BPTF: variants seen among roughly 807,000 people sequenced by gnomAD.
BPTF encodes bromodomain PHD finger transcription factor, also known as nucleosome-remodeling factor subunit BPTF.
BPTF carries 18 observed loss-of-function variants against 292.5 expected under a neutral mutation model. The observed-to-expected ratio is 0.06, with a 90% confidence interval of 0.04 to 0.09. BPTF has a LOEUF of 0.09. Ranked by LOEUF, BPTF falls within the 10% of genes least tolerant of loss-of-function variation. The probability of loss-of-function intolerance (pLI) is 1.00; values close to 1 mark genes in which losing one functional copy is unlikely to be tolerated. For missense variants in BPTF, 2,726 were observed against 3,498.7 expected (o/e 0.78, Z 5.57); for synonymous variants, 1,225 against 1,251.9 (o/e 0.98, Z 0.45).
intron 18 of BPTF, among the ~76,000 whole-genome samples, chr17:67,939,632 C>G (rs1398883107): frequency 2.6e-5 from 4 of 152,232 alleles, no homozygotes; most frequent in Admixed American, 1.3e-4. Context: ...AATCCCAGCA[C>G]TTTGGGAGGC....
At chr17:67,858,779 A>G (rs536816343) in intron 2 of BPTF, among the ~76,000 whole-genome samples, 78 of 152,236 alleles carry the variant, frequency 5.1e-4, no homozygotes, top group Admixed American at 2.2e-3. Context: ...CCATGCTCCA[A>G]TTCTCCCATT....
intron 26 of BPTF, among the ~76,000 whole-genome samples, chr17:67,968,786 C>A (rs200778402): frequency 4.9e-4 from 67 of 137,646 alleles, no homozygotes; most frequent in South Asian, 9.0e-4. Context: ...AGACACGTCT[C>A]AAAAAAAAAA....
intron 17 of BPTF, among the ~76,000 whole-genome samples, chr17:67,931,107 A>G (rs1417812260): frequency 2.6e-5 from 4 of 152,206 alleles, no homozygotes; most frequent in Admixed American, 2.6e-4. Context: ...TCTGCTAAAA[A>G]TACAAAAATT....
intron 1 of BPTF, among the ~76,000 whole-genome samples, chr17:67,837,113 GTAAA>G (rs2057190732): frequency 6.6e-6 from 1 of 152,134 alleles, no homozygotes; most frequent in Non-Finnish European, 1.5e-5. Flanking sequence ...CCTCTTTAAG[GTAAA>G]GACATGAAGT....
intron 4 of BPTF, among the ~76,000 whole-genome samples, chr17:67,877,410 A>G (rs1481172443): frequency 1.3e-5 from 2 of 152,272 alleles, no homozygotes; most frequent in East Asian, 1.9e-4. Flanking sequence ...TTTACTACCT[A>G]TGGTCAGTGG....
At chr17:67,863,522 G>A (rs2059209238) in intron 2 of BPTF, among the ~76,000 whole-genome samples, 3 of 152,168 alleles carry the variant, frequency 2.0e-5, no homozygotes, top group Admixed American at 2.0e-4. Flanking sequence ...CTGACCTTGT[G>A]ATCTGCCCGC....
At chr17:67,844,397 G>A (rs1388033201) in intron 1 of BPTF, among the ~76,000 whole-genome samples, 1 of 151,616 alleles carries the variant, frequency 6.6e-6, no homozygotes, top group African/African-American at 2.4e-5. Context: ...ACAGGCGCCC[G>A]CCACCACGCC....
intron 6 of BPTF, 102 bp downstream of exon 6, chr17:67,893,827 A>G: frequency 8.3e-7 from 1 of 1,207,672 alleles, no homozygotes; most frequent in Non-Finnish European, 1.2e-6. Flanking sequence ...AATGAGTTGA[A>G]TGAAGTCAAT....
rs765770406 is a variant in BPTF, at chr17:67,866,664, A to T, written c.1637A>T (p.Lys546Ile). The T allele has an allele frequency of 6.2e-7, 1 of 1,613,542 alleles. No individual in the cohort carries two copies. Among genetic ancestry groups the T allele is most frequent in the South Asian group, 1.1e-5 (1 of 91,020 alleles). Residue 546 changes from lysine to isoleucine, a missense_variant, in exon 3 of 28, where the codon AAA (lysine) becomes ATA (isoleucine). Transcript: ENST00000306378. ...DLTNKARGSN[K>I]SFLAAANEEI... ...ACCAATAAGGCTCGGGGCAGTAACA[A>T]ATCCTTTCTGGCGGCAGCTAATGGT...
chr17:67,881,536 C>G (rs917498933), intron 4 of BPTF, among the ~76,000 whole-genome samples: 60 of 132,512 alleles, frequency 4.5e-4, no homozygotes, highest in Admixed American at 6.1e-4. Flanking sequence ...GAGTCTCGCT[C>G]TGTCACCCAG....
At position 67,854,328 on chromosome 17, in the gene BPTF, T is replaced by C. The variant is rs148685414; in HGVS notation, c.1002T>C (p.Cys334=). 15 of 1,614,040 alleles carry C rather than the reference T, an allele frequency of 9.3e-6. No individual in the cohort carries two copies. Among genetic ancestry groups the C allele is most frequent in the Non-Finnish European group, 1.3e-5 (15 of 1,180,024 alleles). ...GGCCAGAGGTGCTGCGGGTGTACTG[T>C]GAGAGTGATAAGGAGTACCATCACG... ...MTWPEVLRVY[C]ESDKEYHHVL... is the part of the protein sequence containing the mutation. Residue 334 remains cysteine, a synonymous_variant, in exon 2 of 28, where the codon TGT becomes TGC. Coordinates refer to ENST00000306378, the MANE Select transcript of BPTF (RefSeq NM_182641.4). This position sits in a 1 kb window ranked among gnomAD's most constrained non-coding sequence, Gnocchi z 5.6.
At chr17:67,918,562 TA>T in intron 11 of BPTF, 151 bp from the exon 12 acceptor site, 1 of 602,986 alleles carries the variant, frequency 1.7e-6, no homozygotes, top group South Asian at 4.4e-5. Flanking sequence ...AAAGGACATA[TA>T]ATACCAAAGT....
rs1555675449 is a variant in BPTF, at chr17:67,946,319, G to A, written c.7611G>A (p.Gln2537=). The change falls in exon 21 of 28, where the codon CAG becomes CAA. Residue 2537 remains glutamine, a synonymous_variant. Coordinates refer to ENST00000306378, the MANE Select transcript of BPTF (RefSeq NM_182641.4). ...LQASNQSEII[Q]KQVVMKHNAV... is the part of the protein sequence containing the mutation. The stretch of plus-strand genomic sequence containing the variant: ...CTTCTAATCAAAGTGAAATCATTCA[G>A]AAACAGGTAAAGTTATTAAGTAAAA... 1 of 1,613,426 alleles carries A rather than the reference G, an allele frequency of 6.2e-7. No homozygotes were observed. Among genetic ancestry groups the A allele is most frequent in the Admixed American group, 1.7e-5 (1 of 59,976 alleles).
chr17:67,844,070 C>CTTTT (rs35407119), intron 1 of BPTF, among the ~76,000 whole-genome samples: 3 of 94,352 alleles, frequency 3.2e-5, no homozygotes, highest in Non-Finnish European at 6.4e-5. Flanking sequence ...CGGCCCCCGC[C>CTTTT]TTTTTTTTTT....
At chr17:67,837,564 C>A (rs1021712043) in intron 1 of BPTF, among the ~76,000 whole-genome samples, 5 of 152,086 alleles carry the variant, frequency 3.3e-5, no homozygotes, top group Admixed American at 6.6e-5. Flanking sequence ...GACGCCACCA[C>A]GCCTGGCTAA....
At chr17:67,831,214 C>T (rs535634856) in intron 1 of BPTF, among the ~76,000 whole-genome samples, 7 of 152,240 alleles carry the variant, frequency 4.6e-5, no homozygotes, top group Non-Finnish European at 7.3e-5. Flanking sequence ...TAGAGTTCTT[C>T]AGGCCTTGAC....
At chr17:67,897,700 A>G (rs1179209071) in intron 7 of BPTF, among the ~76,000 whole-genome samples, 1 of 152,202 alleles carries the variant, frequency 6.6e-6, no homozygotes, top group African/African-American at 2.4e-5. Context: ...TTATCACTGC[A>G]CCTGTCATTA....
chr17:67,841,218 A>G (rs2057529759), intron 1 of BPTF, among the ~76,000 whole-genome samples: 1 of 151,690 alleles, frequency 6.6e-6, no homozygotes, highest in Non-Finnish European at 1.5e-5. Flanking sequence ...GACTAGCCTG[A>G]CCAACATGGC....
In BPTF at chr17:67,917,124, T is replaced by TATTGTC. The variant is rs11283344; in HGVS notation, c.5304-1589_5304-1584dup. On this transcript the variant is annotated intron_variant, in intron 11 of 27. Coordinates refer to ENST00000306378, the MANE Select transcript of BPTF (RefSeq NM_182641.4). ...GTCTGTTGATAAGTAACTAATATGGTATTGTCCTTTTTTTTTTTTTTTTTT... is the reference window on the plus strand; with the variant it reads ...GTCTGTTGATAAGTAACTAATATGGTATTGTCATTGTCCTTTTTTTTTTTTTTTTTT... Among the ~76,000 whole-genome samples the TATTGTC allele has an allele frequency of 6.3e-3, 884 of 141,060 alleles. 16 individuals carry two copies. The highest frequency in any genetic ancestry group is 0.024 in the African/African-American group (828 of 33,810). 92.5% of individuals were successfully genotyped at this position (141,060 alleles called of 152,430 possible).
Sources: gnomAD v4.1 joint callset for allele counts (sites outside exome capture counted in the v4.1 genomes callset) on GRCh38, gnomAD v4.1.1 for gene constraint, Gnocchi (gnomAD v3.1) non-coding constraint, MANE v1.5 for transcripts, NCBI Gene and HGNC (gene_info 2026-07-23, HGNC 2026-07-21) for gene names.